Variants in PTGER3 observed in about 807,000 individuals in gnomAD.
The protein encoded by PTGER3 is prostaglandin E receptor 3.
A neutral mutation model predicts 34.7 loss-of-function variants in PTGER3; 22 were observed. That is an observed-to-expected ratio of 0.63 (90% confidence interval 0.45 to 0.91). The LOEUF (loss-of-function observed/expected upper bound fraction) is 0.91. PTGER3 is among the 40% of genes least tolerant of loss of function. PTGER3 has a pLI of 0.00. For missense variants in PTGER3, 468 were observed against 519.4 expected, an observed-to-expected ratio of 0.90 and a Z score of 0.96; for synonymous variants, 241 against 230.1, an observed-to-expected ratio of 1.05 and a Z score of -0.43.
At chr1:71,024,836 T>C (rs1164920343) in intron 1 of PTGER3, among the ~76,000 whole-genome samples, 2 of 151,570 alleles carry the variant, frequency 1.3e-5, no homozygotes, top group Admixed American at 6.6e-5. Flanking sequence ...ATTCCAGTCA[T>C]GAGCCACCGT....
intron 4 of PTGER3, among the ~76,000 whole-genome samples, chr1:70,870,241 G>C (rs1646134159): frequency 6.6e-6 from 1 of 152,334 alleles, no homozygotes; most frequent in South Asian, 2.1e-4. Flanking sequence ...CATGGCTAGT[G>C]CTGGAGCAGC....
rs58964186 is a variant in PTGER3 at position 71,014,598 on chromosome 1, T to A, written c.898-2114A>T. Among the ~76,000 whole-genome samples the A allele has an allele frequency of 4.3e-3, 660 of 152,228 alleles. 8 individuals are homozygous for A. The highest frequency in any genetic ancestry group is 0.015 in the African/African-American group (621 of 41,530). ...GGTGGAGCTCCTATAATGGGATTATTATCCTTATAAGAAGAGGGAGAAGAA... is the reference window on the plus strand; with the variant it reads ...GGTGGAGCTCCTATAATGGGATTATAATCCTTATAAGAAGAGGGAGAAGAA... On this transcript the variant is annotated intron_variant, in intron 1 of 3. Transcript: ENST00000306666.
intron 2 of PTGER3, among the ~76,000 whole-genome samples, chr1:70,978,788 T>C (rs1653958941): frequency 6.6e-6 from 1 of 151,470 alleles, no homozygotes; most frequent in Non-Finnish European, 1.5e-5. Context: ...ACCAAGAGGG[T>C]AGTGATCCCT....
At chr1:70,984,768 G>A (rs559487632) in intron 2 of PTGER3, among the ~76,000 whole-genome samples, 2 of 151,902 alleles carry the variant, frequency 1.3e-5, no homozygotes, top group African/African-American at 4.8e-5. Context: ...AATAAGCAAA[G>A]CCCAAGAACT....
At chr1:70,967,744 A>G (rs897698104), downstream of PTGER3, among the ~76,000 whole-genome samples, 4 of 152,174 alleles carry the variant, frequency 2.6e-5, no homozygotes, top group African/African-American at 9.7e-5. Flanking sequence ...GGATGTTGAA[A>G]AACTTTTTCT....
chr1:70,917,441 GTA>G (rs1553163022), intron 4 of PTGER3, among the ~76,000 whole-genome samples: 1 of 137,352 alleles, frequency 7.3e-6, no homozygotes, highest in African/African-American at 3.1e-5. Flanking sequence ...GTGTGTGTGT[GTA>G]TACAATCAAT....
At chr1:70,999,383 A>G (rs1656273783) in intron 2 of PTGER3, among the ~76,000 whole-genome samples, 1 of 152,178 alleles carries the variant, frequency 6.6e-6, no homozygotes, top group African/African-American at 2.4e-5. Flanking sequence ...TGAAGAGAAA[A>G]CTGGTGAATG....
chr1:70,965,015 G>A (rs1652363805), intron 2 of PTGER3, among the ~76,000 whole-genome samples: 1 of 152,164 alleles, frequency 6.6e-6, no homozygotes, highest in South Asian at 2.1e-4. Flanking sequence ...GAAGGAAGTG[G>A]TACTTCTGTT....
rs767081371 is a variant in PTGER3, at chr1:70,971,429, T to C, written c.*301A>G. 2.7e-6 allele frequency: 3 copies of C among 1,096,026 alleles called. No homozygotes were observed. The highest frequency in any genetic ancestry group is 3.3e-6 in the Non-Finnish European group (3 of 901,130). 67.9% of individuals were successfully genotyped at this position (1,096,026 alleles called of 1,614,324 possible). On this transcript the variant is annotated 3_prime_UTR_variant, in exon 4 of 4. Coordinates refer to ENST00000306666, the MANE Select transcript of PTGER3 (RefSeq NM_198719.2). ...AAGGTTTGAAGTTGGAGAAAACTCCTGGAACACAGGTCTTTCTTTTCATCA... is the reference window on the plus strand; with the variant it reads ...AAGGTTTGAAGTTGGAGAAAACTCCCGGAACACAGGTCTTTCTTTTCATCA...
intron 4 of PTGER3, among the ~76,000 whole-genome samples, chr1:70,854,146 T>C (rs940033534): frequency 1.1e-4 from 17 of 152,060 alleles, no homozygotes; most frequent in Non-Finnish European, 2.4e-4. Flanking sequence ...CTTAAAGCCT[T>C]TTGCACATGA....
At chr1:70,867,933 C>T (rs762058096) in intron 4 of PTGER3, among the ~76,000 whole-genome samples, 1 of 152,132 alleles carries the variant, frequency 6.6e-6, no homozygotes, top group African/African-American at 2.4e-5. Flanking sequence ...GATTCACAGT[C>T]CTGTCTTCCT....
intron 2 of PTGER3, among the ~76,000 whole-genome samples, chr1:70,961,029 A>G (rs951931950): frequency 6.6e-6 from 1 of 152,062 alleles, no homozygotes; most frequent in African/African-American, 2.4e-5. Context: ...GGGTCCCAAT[A>G]ACTTGCATTT....
intron 4 of PTGER3, among the ~76,000 whole-genome samples, chr1:70,901,488 A>G (rs964704395): frequency 2.0e-5 from 3 of 152,324 alleles, no homozygotes; most frequent in South Asian, 2.1e-4. Context: ...TCCATTGTCA[A>G]TTGATGTTGT....
chr1:70,992,585 C>G (rs1655575647), intron 2 of PTGER3, among the ~76,000 whole-genome samples: 1 of 152,138 alleles, frequency 6.6e-6, no homozygotes, highest in African/African-American at 2.4e-5. Flanking sequence ...CCTATGTAAC[C>G]AATTGTGTAG....
At chr1:70,941,184 T>A (rs1649726199) in intron 4 of PTGER3, among the ~76,000 whole-genome samples, 1 of 152,218 alleles carries the variant, frequency 6.6e-6, no homozygotes, top group South Asian at 2.1e-4. Context: ...AAAACTCCTC[T>A]AACTTGTAAT....
intron 2 of PTGER3, among the ~76,000 whole-genome samples, chr1:70,965,769 G>A (rs1299419977): frequency 1.3e-5 from 2 of 152,090 alleles, no homozygotes; most frequent in East Asian, 3.9e-4. Flanking sequence ...CTTTACTTTT[G>A]CTTTATCCTG....
intron 4 of PTGER3, among the ~76,000 whole-genome samples, chr1:70,875,814 G>A (rs1334631697): frequency 6.6e-6 from 1 of 151,920 alleles, no homozygotes; most frequent in Non-Finnish European, 1.5e-5. Flanking sequence ...TTCTTTTTAT[G>A]GCTGTGTAAT....
chr1:71,027,513 T>C (rs941666311), intron 1 of PTGER3, among the ~76,000 whole-genome samples: 3 of 152,202 alleles, frequency 2.0e-5, no homozygotes, highest in African/African-American at 7.2e-5. Context: ...AATTGGCAAA[T>C]AGATCTATTG....
intron 4 of PTGER3, chr1:70,886,402 A>C: frequency 2.7e-6 from 1 of 374,086 alleles, no homozygotes; most frequent in Non-Finnish European, 5.5e-6. Flanking sequence ...AAACTGACCA[A>C]AACAGGGATA....
Sources: allele counts gnomAD v4.1 joint callset (sites outside exome capture counted in the v4.1 genomes callset), GRCh38; gene constraint gnomAD v4.1.1; transcripts MANE v1.5; gene names NCBI Gene and HGNC (gene_info 2026-07-23, HGNC 2026-07-21).